MYT1L: variants seen among roughly 807,000 people sequenced by gnomAD.
MYT1L encodes the protein myelin transcription factor 1-like protein.
Under a neutral mutation model 126.7 loss-of-function variants are expected in MYT1L, and 12 were observed. That is an observed-to-expected ratio of 0.09 (90% CI 0.06 to 0.15). The LOEUF (loss-of-function observed/expected upper bound fraction) is 0.15. MYT1L is among the 10% of genes least tolerant of loss of function. The pLI is 1.00. For missense variants in MYT1L, 979 were observed against 1,585.2 expected (o/e 0.62, Z 6.49); for synonymous variants, 541 against 604.2 (o/e 0.90, Z 1.53).
At chr2:2,165,384 G>A (rs1193443107) in intron 3 of MYT1L, among the ~76,000 whole-genome samples, 1 of 151,748 alleles carries the variant, frequency 6.6e-6, no homozygotes, top group Non-Finnish European at 1.5e-5. Flanking sequence ...ACATCCACAT[G>A]CCACACACAT....
At chr2:1,883,677 A>G (rs2047848308) in intron 18 of MYT1L, among the ~76,000 whole-genome samples, 2 of 152,130 alleles carry the variant, frequency 1.3e-5, no homozygotes, top group South Asian at 4.2e-4. Context: ...GGTGACGGTG[A>G]ACTCCACCTC....
chr2:1,796,872 C>A (rs904417211), intron 23 of MYT1L, among the ~76,000 whole-genome samples: 1 of 152,180 alleles, frequency 6.6e-6, no homozygotes, highest in Non-Finnish European at 1.5e-5. Context: ...CACACAAATG[C>A]CGCTTGCCCA....
At chr2:1,833,376 T>C (rs180900820) in intron 21 of MYT1L, among the ~76,000 whole-genome samples, 2 of 152,218 alleles carry the variant, frequency 1.3e-5, no homozygotes, top group South Asian at 2.1e-4. Flanking sequence ...GGGGTCTGCA[T>C]GGGCCTCATG....
intron 4 of MYT1L, among the ~76,000 whole-genome samples, chr2:2,031,008 G>T (rs767843199): frequency 1.3e-5 from 2 of 152,162 alleles, no homozygotes; most frequent in African/African-American, 4.8e-5. Flanking sequence ...TGTATTAAGC[G>T]TGTGCATGAC....
intron 22 of MYT1L, among the ~76,000 whole-genome samples, chr2:1,802,711 A>G (rs374295014): frequency 4.9e-4 from 74 of 152,324 alleles, no homozygotes; most frequent in African/African-American, 1.7e-3. Flanking sequence ...GTGTCTGGTT[A>G]CTGGCAACAT....
At chr2:2,052,954 G>C (rs2069016072) in intron 4 of MYT1L, among the ~76,000 whole-genome samples, 1 of 152,174 alleles carries the variant, frequency 6.6e-6, no homozygotes, top group South Asian at 2.1e-4. Context: ...CAGGAAATGT[G>C]AAATCAGGGA....
In MYT1L at chr2:1,857,047, T is replaced by A. The variant is rs565195462; in HGVS notation, c.2712-5344A>T. 1.7e-4 allele frequency among the ~76,000 whole-genome samples: 26 copies of A among 152,268 alleles called. No homozygotes were observed. The East Asian group carries it at 5.0e-3, about 30-fold the overall frequency. On this transcript the variant is annotated intron_variant, in intron 18 of 24. Coordinates refer to ENST00000647738, the MANE Select transcript of MYT1L (RefSeq NM_001303052.2). ...CGCGGAGGCTCAGAGGCCACAGGCC[T>A]GGGAGGCAGGGCCTGGGAGTCCTCC...
At chr2:1,849,053 G>C (rs900290090) in intron 19 of MYT1L, among the ~76,000 whole-genome samples, 5 of 151,996 alleles carry the variant, frequency 3.3e-5, no homozygotes, top group African/African-American at 9.7e-5. Flanking sequence ...TTTTAATCAT[G>C]GGTTTGTGCT....
chr2:1,797,456 G>A lies in MYT1L; in HGVS notation c.3276+4240C>T, dbSNP rs1471379876. On this transcript the variant is annotated intron_variant, in intron 23 of 24. Transcript: ENST00000647738. ...AGGATGGTCTCGATTTCCTGACCTC[G>A]TGATCTGCCCGCCTCGGCCTCCCAA... is the stretch of plus-strand genomic sequence containing the variant. 1.1e-4 allele frequency among the ~76,000 whole-genome samples: 16 copies of A among 152,192 alleles called. No individual in the cohort carries two copies. The South Asian group carries it at 3.1e-3, about 30-fold the overall frequency.
intron 3 of MYT1L, among the ~76,000 whole-genome samples, chr2:2,171,056 C>T (rs1379606022): frequency 6.6e-6 from 1 of 152,162 alleles, no homozygotes; most frequent in African/African-American, 2.4e-5. Flanking sequence ...GGTCTGCTCA[C>T]CCGGGGCCTG....
chr2:2,095,843 C>T (rs993292822), intron 3 of MYT1L, among the ~76,000 whole-genome samples: 1 of 152,204 alleles, frequency 6.6e-6, no homozygotes, highest in South Asian at 2.1e-4. Flanking sequence ...TGGGTTGGAA[C>T]TGTGGTCAGA....
At chr2:1,950,980 G>A (rs2057696820) in intron 8 of MYT1L, among the ~76,000 whole-genome samples, 1 of 152,254 alleles carries the variant, frequency 6.6e-6, no homozygotes, top group East Asian at 1.9e-4. Flanking sequence ...GATACATGTG[G>A]GACGCGGCCT....
In MYT1L at chr2:1,890,555, T is replaced by G. The variant is rs1481903277; in HGVS notation, c.2284-1078A>C. ...GGTACAGGGTGAGGCTCTTTCATTT[T>G]TTAAATGATGCTTTGAAATGCATCA... On this transcript the variant is annotated intron_variant, in intron 15 of 24. Coordinates refer to ENST00000647738, the MANE Select transcript of MYT1L (RefSeq NM_001303052.2). Among the ~76,000 whole-genome samples, 4 of 152,190 alleles carry G rather than the reference T, an allele frequency of 2.6e-5. No homozygotes were observed. In the South Asian group the frequency reaches 6.2e-4, roughly 24 times the overall value.
intron 3 of MYT1L, among the ~76,000 whole-genome samples, chr2:2,096,793 G>T (rs1188161257): frequency 2.6e-5 from 4 of 152,216 alleles, no homozygotes; most frequent in African/African-American, 9.6e-5. Context: ...ACGCTCCCAG[G>T]CAGAGGCCCC....
At chr2:2,105,647 C>T (rs34614763) in intron 3 of MYT1L, among the ~76,000 whole-genome samples, 59,656 of 151,922 alleles carry the variant, frequency 0.39, 12,231 homozygotes, top group African/African-American at 0.52. Flanking sequence ...ATTTCAAACA[C>T]GTTTAAAAAG....
Position 1,839,833 on chromosome 2 carries a change from C to T in MYT1L, c.2859-463G>A, listed in dbSNP as rs148197846. Among the ~76,000 whole-genome samples, 308 of 152,324 alleles carry T rather than the reference C, an allele frequency of 2.0e-3. 1 individual carries two copies. Among genetic ancestry groups the T allele is most frequent in the Middle Eastern group, 0.017 (5 of 294 alleles). ...GCTAGAAGACATTTATTTGTCTGGC[C>T]GTATCTTCTGGAGGCCTTAAAATGC... is the stretch of plus-strand genomic sequence containing the variant. On this transcript the variant is annotated intron_variant, in intron 20 of 24. Coordinates refer to ENST00000647738, the MANE Select transcript of MYT1L (RefSeq NM_001303052.2).
chr2:1,829,632 C>T (rs879721466), intron 21 of MYT1L, among the ~76,000 whole-genome samples: 35 of 101,488 alleles, frequency 3.4e-4, no homozygotes, highest in African/African-American at 9.1e-4. Context: ...CACCTGTGAA[C>T]TGACCCTCCC....
At chr2:2,176,048 C>T (rs1347269977) in intron 2 of MYT1L, among the ~76,000 whole-genome samples, 1 of 152,186 alleles carries the variant, frequency 6.6e-6, no homozygotes, top group African/African-American at 2.4e-5. Flanking sequence ...TAGCTCACTG[C>T]GTTGCTCACA....
chr2:2,112,562 C>T (rs1559046319), intron 3 of MYT1L, among the ~76,000 whole-genome samples: 1 of 152,122 alleles, frequency 6.6e-6, no homozygotes, highest in East Asian at 1.9e-4. Context: ...CCAGGCAATC[C>T]CCATTACAGC....
Sources: gnomAD v4.1 joint callset for allele counts (sites outside exome capture counted in the v4.1 genomes callset) on GRCh38, gnomAD v4.1.1 for gene constraint, MANE v1.5 for transcripts, NCBI Gene and HGNC (gene_info 2026-07-23, HGNC 2026-07-21) for gene names.